The following CTNND2 variants were observed in gnomAD, a reference collection of about 807,000 sequenced individuals.
CTNND2 encodes the protein catenin delta 2, also known as catenin delta-2.
Under a neutral mutation model 144.4 loss-of-function variants are expected in CTNND2, and 22 were observed. The observed-to-expected ratio is 0.15, with a 90% confidence interval of 0.11 to 0.22. The LOEUF (loss-of-function observed/expected upper bound fraction) is 0.22. Ranked by LOEUF, CTNND2 falls within the 10% of genes least tolerant of loss-of-function variation. The pLI is 1.00. For missense variants in CTNND2, 1,353 were observed against 1,618.8 expected (o/e 0.84, Z 2.82); for synonymous variants, 751 against 695.6 (o/e 1.08, Z -1.25).
chr5:11,687,117 A>G (rs1784688870), intron 2 of CTNND2, among the ~76,000 whole-genome samples: 1 of 152,056 alleles, frequency 6.6e-6, no homozygotes. Context: ...TGTTGCCTGG[A>G]CTACTCCAAT....
chr5:11,314,109 G>C (rs890951265), intron 9 of CTNND2, among the ~76,000 whole-genome samples: 1 of 152,130 alleles, frequency 6.6e-6, no homozygotes, highest in African/African-American at 2.4e-5. Flanking sequence ...CCCTTTCTGG[G>C]ACCTCTGATA....
chr5:10,981,620 C>CACAT (rs3220082), intron 21 of CTNND2, among the ~76,000 whole-genome samples, 153 bp downstream of exon 21: 1 of 151,078 alleles, frequency 6.6e-6, no homozygotes, highest in African/African-American at 2.4e-5. Flanking sequence ...GACACACACA[C>CACAT]GCTGCAACAG....
intron 1 of CTNND2, among the ~76,000 whole-genome samples, chr5:11,754,298 T>TA (rs1407884119): frequency 6.6e-6 from 1 of 151,672 alleles, no homozygotes; most frequent in Non-Finnish European, 1.5e-5. Flanking sequence ...AACTTTTTTT[T>TA]ATGTGGGCAT....
chr5:11,052,660 A>T (rs1392809579), intron 16 of CTNND2, among the ~76,000 whole-genome samples: 1 of 152,116 alleles, frequency 6.6e-6, no homozygotes, highest in Non-Finnish European at 1.5e-5. Flanking sequence ...GCACTGCCAA[A>T]GCTCCCTTGA....
At chr5:11,495,360 AT>A (rs1769832327) in intron 3 of CTNND2, among the ~76,000 whole-genome samples, 1 of 152,084 alleles carries the variant, frequency 6.6e-6, no homozygotes, top group Admixed American at 6.6e-5. Flanking sequence ...TATTTACAGT[AT>A]TTCTTCTATC....
chr5:11,377,758 G>T (rs1355330470), intron 7 of CTNND2, among the ~76,000 whole-genome samples: 2 of 152,196 alleles, frequency 1.3e-5, no homozygotes, highest in Non-Finnish European at 2.9e-5. Flanking sequence ...CTTAGTTCCA[G>T]GCTTAGGCAC....
intron 12 of CTNND2, among the ~76,000 whole-genome samples, chr5:11,128,463 A>T (rs753358260): frequency 3.9e-5 from 6 of 151,900 alleles, no homozygotes; most frequent in Non-Finnish European, 7.4e-5. Flanking sequence ...GGCCCAGAGA[A>T]GCTGTGGGCT....
rs534977080 is a variant in CTNND2 at position 11,769,713 on chromosome 5, T to C, written c.38-37441A>G. On this transcript the variant is annotated intron_variant, in intron 1 of 21. Coordinates refer to ENST00000304623, the MANE Select transcript of CTNND2 (RefSeq NM_001332.4). ...ACATATATGCAAATTAACACACACA[T>C]AAAATATATGCCCCAGAATAAGCCA... Among the ~76,000 whole-genome samples, 397 of 152,294 alleles carry C rather than the reference T, an allele frequency of 2.6e-3. 2 individuals are homozygous for C. Among genetic ancestry groups the C allele is most frequent in the Middle Eastern group, 6.8e-3 (2 of 294 alleles).
intron 1 of CTNND2, among the ~76,000 whole-genome samples, chr5:11,880,081 C>G (rs1020134101): frequency 6.6e-6 from 1 of 152,186 alleles, no homozygotes; most frequent in Admixed American, 6.5e-5. Context: ...CCAACTTTTA[C>G]TCTTGTGGGC....
chr5:11,702,227 G>A (rs904279422), intron 2 of CTNND2, among the ~76,000 whole-genome samples: 3 of 152,110 alleles, frequency 2.0e-5, no homozygotes, highest in African/African-American at 7.2e-5. Context: ...GTACCACAAG[G>A]GTTTGTGGTT....
At chr5:11,262,531 G>A (rs543897732) in intron 9 of CTNND2, among the ~76,000 whole-genome samples, 58 of 152,118 alleles carry the variant, frequency 3.8e-4, no homozygotes, top group Admixed American at 2.6e-3. Flanking sequence ...GGGAGGCCGA[G>A]GCGGGTGGAT....
intron 16 of CTNND2, among the ~76,000 whole-genome samples, chr5:11,060,257 T>G (rs150320898): frequency 1.3e-3 from 195 of 152,316 alleles, no homozygotes; most frequent in Non-Finnish European, 1.7e-3. Context: ...TTATAATATA[T>G]TCCATGGATA....
At chr5:11,247,471 CTT>C (rs1217586950) in intron 9 of CTNND2, among the ~76,000 whole-genome samples, 2 of 152,196 alleles carry the variant, frequency 1.3e-5, no homozygotes. Context: ...ACTGGGATCT[CTT>C]GTTTCACAAT....
chr5:11,204,695 G>A (rs1342878952), intron 10 of CTNND2, among the ~76,000 whole-genome samples: 3 of 152,084 alleles, frequency 2.0e-5, no homozygotes, highest in Admixed American at 2.0e-4. Context: ...AATTACAGCA[G>A]TGTTCAGATA....
chr5:11,307,304 A>AGTGT (rs3033112), intron 9 of CTNND2, among the ~76,000 whole-genome samples: 7,580 of 146,426 alleles, frequency 0.052, 174 homozygotes, highest in African/African-American at 0.068. Flanking sequence ...AAGGTAGAGT[A>AGTGT]GTGTGTGTGT....
chr5:11,211,564 G>C (rs1208659661), intron 10 of CTNND2, among the ~76,000 whole-genome samples: 2 of 152,180 alleles, frequency 1.3e-5, no homozygotes, highest in Non-Finnish European at 2.9e-5. Context: ...ACGATTTGGG[G>C]CCTTGGGCTT....
chr5:11,867,846 T>A (rs1323331780), intron 1 of CTNND2, among the ~76,000 whole-genome samples: 1 of 151,642 alleles, frequency 6.6e-6, no homozygotes, highest in Non-Finnish European at 1.5e-5. Flanking sequence ...GTACTATTTA[T>A]AAATTGTAAG....
chr5:11,902,736 C>A (rs1350720215), intron 1 of CTNND2, among the ~76,000 whole-genome samples: 1 of 152,086 alleles, frequency 6.6e-6, no homozygotes, highest in African/African-American at 2.4e-5. Context: ...ATAACACCTG[C>A]CAGAGCTAAG....
rs745424040 is a variant in CTNND2, at chr5:10,988,196, C to T, written c.3258G>A (p.Arg1086=). 6.2e-7 allele frequency: 1 copy of T among 1,614,106 alleles called. No individual in the cohort carries two copies. Among genetic ancestry groups the T allele is most frequent in the African/African-American group, 1.3e-5 (1 of 74,948 alleles). The change falls in exon 20 of 22, where the codon AGG becomes AGA. Residue 1086 remains arginine (R), a synonymous_variant. Transcript: ENST00000304623. The surrounding 1 kb of genome is among the most constrained non-coding windows in gnomAD (Gnocchi z 5.9). ...SPREMISLKE[R]KTDYECTGSN... The stretch of plus-strand genomic sequence containing the variant: ...TGCCGGTGCACTCGTAGTCTGTTTT[C>T]CTTTCTTTGAGGCTGATCATTTCCC...
Sources: allele counts gnomAD v4.1 joint callset (sites outside exome capture counted in the v4.1 genomes callset), GRCh38; gene constraint gnomAD v4.1.1; non-coding constraint Gnocchi (gnomAD v3.1); transcripts MANE v1.5; gene names NCBI Gene and HGNC (gene_info 2026-07-23, HGNC 2026-07-21).